The following PRTG variants were observed in gnomAD, a reference collection of about 807,000 sequenced individuals.
The protein encoded by PRTG is immunoglobulin superfamily, DCC subclass, member 5.
A neutral mutation model predicts 122.5 loss-of-function variants in PRTG; 67 were observed. The observed-to-expected ratio is 0.55, with a 90% CI of 0.45 to 0.67. The LOEUF is 0.67. Ranked by LOEUF, PRTG falls within the 30% of genes least tolerant of loss-of-function variation. The pLI, the probability that PRTG is intolerant of heterozygous loss-of-function variation, is 0.00. For synonymous variants in PRTG, 554 were observed against 501.1 expected (o/e 1.11, Z -1.41); for missense variants, 1,435 against 1,415.4 (o/e 1.01, Z -0.22).
At position 55,673,378 on chromosome 15, in the gene PRTG, G is replaced by A. The variant is rs929368082; in HGVS notation, c.1845C>T (p.Ser615=). The part of the protein sequence containing the change: ...WTSHRTPKAT[S]VKAPKSPELH... ...CAGTCTTCAGAAATTCACCTTTCAC[G>A]CTTGTAGCTTTGGGCGTCCTATGTG... is the stretch of plus-strand genomic sequence containing the variant. Residue 615 remains serine (S), a synonymous_variant, in exon 10 of 20, where the codon AGC becomes AGT. Transcript: ENST00000389286. The A allele has an allele frequency of 8.1e-6, 13 of 1,609,882 alleles. No individual in the cohort carries two copies. The African/African-American group carries it at 9.4e-5, about 12-fold the overall frequency.
Position 55,743,080 on chromosome 15 carries a change from C to T in PRTG, c.-149G>A, listed in dbSNP as rs1003893534. On this transcript the variant is annotated 5_prime_UTR_variant, in exon 1 of 20. Transcript: ENST00000389286. ...GGCACCGGCGTGGCGAGCGTCTCTGCGGCGGCGAGGCTGGTGCTCGGACGG... is the reference window on the plus strand; with the variant it reads ...GGCACCGGCGTGGCGAGCGTCTCTGTGGCGGCGAGGCTGGTGCTCGGACGG... 9.4e-5 allele frequency: 121 copies of T among 1,289,154 alleles called. 1 individual carries two copies. In the Admixed American group the frequency reaches 2.4e-3, roughly 26 times the overall value. The allele number at this position is 1,289,154 out of a possible 1,614,324, so 79.9% of individuals were successfully genotyped here.
At chr15:55,732,549 C>T (rs1327626643) in intron 2 of PRTG, among the ~76,000 whole-genome samples, 2 of 143,804 alleles carry the variant, frequency 1.4e-5, no homozygotes, top group Admixed American at 7.3e-5. Flanking sequence ...GGCTGAAGTG[C>T]AATGGCGCGA....
chr15:55,669,058 T>G lies in PRTG; in HGVS notation c.2041+3387A>C, dbSNP rs552072433. On this transcript the variant is annotated intron_variant, in intron 11 of 19. Transcript: ENST00000389286. ...TGCTCGTTAAATGAATTGAAATACA[T>G]AAGTTCATTCGTCTTTTTCTTTCTT... Among the ~76,000 whole-genome samples, 23 of 152,268 alleles carry G rather than the reference T, an allele frequency of 1.5e-4. No homozygotes were observed. In the South Asian group the frequency reaches 1.7e-3, roughly 11 times the overall value.
rs753803066 is a variant in PRTG, at chr15:55,740,439, A to C, written c.340T>G (p.Leu114Val). Residue 114 changes from leucine (L) to valine (V), a missense_variant, in exon 2 of 20, where the codon TTG becomes GTG. Transcript: ENST00000389286. ...EQSDEGFYQC[L>V]AMNKYGAILS... is the part of the protein sequence containing the mutation. ...ATGGCTCCATATTTGTTCATTGCCA[A>C]GCACTGATAAAATCCTTCATCGGAC... 4 of 1,614,104 alleles carry C rather than the reference A, an allele frequency of 2.5e-6. No homozygotes were observed. In the African/African-American group the frequency reaches 5.3e-5, roughly 22 times the overall value.
chr15:55,699,273 CT>C (rs879261346), intron 2 of PRTG, among the ~76,000 whole-genome samples: 13 of 151,758 alleles, frequency 8.6e-5, no homozygotes, highest in Non-Finnish European at 1.5e-4. Flanking sequence ...CTGTTAATGG[CT>C]TTTTTTTGGT....
intron 11 of PRTG, among the ~76,000 whole-genome samples, chr15:55,643,051 C>A (rs1016653903): frequency 6.6e-6 from 1 of 151,988 alleles, no homozygotes; most frequent in Admixed American, 6.6e-5. Flanking sequence ...CCAGCCTGGG[C>A]AACAGAACAA....
At chr15:55,622,342 C>A (rs866380105) in intron 18 of PRTG, among the ~76,000 whole-genome samples, 1 of 151,086 alleles carries the variant, frequency 6.6e-6, no homozygotes, top group Non-Finnish European at 1.5e-5. Context: ...CTCAGCCTCC[C>A]GAGTAGCTGG....
intron 2 of PRTG, among the ~76,000 whole-genome samples, chr15:55,716,569 G>C (rs553686897): frequency 6.6e-6 from 1 of 152,244 alleles, no homozygotes; most frequent in Non-Finnish European, 1.5e-5. Context: ...GTCAAGTGCT[G>C]GGAGGATCCA....
chr15:55,681,367 AT>A (rs1174188569), intron 4 of PRTG: 1 of 152,108 alleles, frequency 6.6e-6, no homozygotes, highest in African/African-American at 2.4e-5. Flanking sequence ...ATAAACATTT[AT>A]GTGAAGTTCA....
chr15:55,726,126 C>T lies in PRTG; in HGVS notation c.397+14256G>A, dbSNP rs546443333. Among the ~76,000 whole-genome samples the T allele has an allele frequency of 1.2e-3, 183 of 152,058 alleles. 1 individual carries two copies. The Middle Eastern group carries it at 0.024, about 20-fold the overall frequency. On this transcript the variant is annotated intron_variant, in intron 2 of 19. Transcript: ENST00000389286. ...CCCAGCTAATTTTTGTATTTTTAGT[C>T]GAGACGGGGTTTCACCATGTGGGCC...
chr15:55,640,999 T>A lies in PRTG; in HGVS notation c.2137+114A>T, dbSNP rs769624628. The A allele has an allele frequency of 4.1e-6, 3 of 739,226 alleles. No individual in the cohort carries two copies. In the East Asian group the frequency reaches 7.8e-5, roughly 19 times the overall value. The allele number at this position is 739,226 out of a possible 1,614,324, so 45.8% of individuals were successfully genotyped here. A position where few individuals can be genotyped will look rare whatever the true frequency, so the allele number is the denominator to read the frequency against. On this transcript the variant is annotated intron_variant, in intron 12 of 19. Transcript: ENST00000389286. ...AAACTACGCTATACAGCACAGAGGA[T>A]AGAAATTAAGCCACCAAAGCTTCCA...
intron 11 of PRTG, 83 bp from the exon 12 acceptor site, chr15:55,641,291 G>A: frequency 2.0e-6 from 2 of 1,019,030 alleles, no homozygotes; most frequent in Admixed American, 2.5e-5. Context: ...TATAGATTTT[G>A]GTTTAAAAAC....
At chr15:55,735,082 A>C (rs2141889808) in intron 2 of PRTG, among the ~76,000 whole-genome samples, 1 of 152,300 alleles carries the variant, frequency 6.6e-6, no homozygotes, top group African/African-American at 2.4e-5. Context: ...GATTTAATGA[A>C]GAGTCTGGGC....
At chr15:55,694,026 A>G (rs988624894) in intron 2 of PRTG, among the ~76,000 whole-genome samples, 5 of 152,226 alleles carry the variant, frequency 3.3e-5, no homozygotes, top group Non-Finnish European at 7.3e-5. Flanking sequence ...GCTTTTGCAT[A>G]AAGGTATATA....
chr15:55,630,143 T>A (rs1467686119), intron 15 of PRTG, among the ~76,000 whole-genome samples: 1 of 152,066 alleles, frequency 6.6e-6, no homozygotes, highest in Non-Finnish European at 1.5e-5. Flanking sequence ...CCCGCCACCA[T>A]GCCTGGCTAA....
At chr15:55,646,513 G>A (rs954884206) in intron 11 of PRTG, among the ~76,000 whole-genome samples, 3 of 151,568 alleles carry the variant, frequency 2.0e-5, no homozygotes, top group African/African-American at 4.8e-5. Flanking sequence ...TAGTAGAGAC[G>A]GGGTTTCACC....
chr15:55,657,750 G>A (rs563832010), intron 11 of PRTG, among the ~76,000 whole-genome samples: 2 of 152,166 alleles, frequency 1.3e-5, no homozygotes, highest in South Asian at 2.1e-4. Flanking sequence ...AGACCATATG[G>A]CATGCAATAA....
intron 11 of PRTG, among the ~76,000 whole-genome samples, chr15:55,668,061 C>T (rs2059448722): frequency 6.6e-6 from 1 of 152,170 alleles, no homozygotes; most frequent in South Asian, 2.1e-4. Flanking sequence ...GCACTCCAGG[C>T]TGGGTGACAG....
At chr15:55,724,931 G>C (rs2030970093) in intron 2 of PRTG, among the ~76,000 whole-genome samples, 1 of 152,136 alleles carries the variant, frequency 6.6e-6, no homozygotes, top group South Asian at 2.1e-4. Context: ...AGTGCTAGAG[G>C]CTGAAACGAA....
Sources: gnomAD v4.1 joint callset for allele counts (sites outside exome capture counted in the v4.1 genomes callset) on GRCh38, gnomAD v4.1.1 for gene constraint, MANE v1.5 for transcripts, NCBI Gene and HGNC (gene_info 2026-07-23, HGNC 2026-07-21) for gene names.